Variants in CHST15 observed in about 807,000 individuals in gnomAD.
CHST15 encodes B cell RAG associated protein (GALNAC4S-6ST).
In CHST15, 30 loss-of-function variants were observed where a neutral mutation model predicts 53.6. That is an observed-to-expected ratio of 0.56 (90% CI 0.42 to 0.76). CHST15 has a LOEUF of 0.76. Among genes scored for constraint, CHST15 ranks in the 30% least tolerant of loss-of-function variants. The pLI is 0.00. For synonymous variants in CHST15, 296 were observed against 289.8 expected (o/e 1.02, Z -0.22); for missense variants, 627 against 740.5 (o/e 0.85, Z 1.78).
intron 3 of CHST15, 86 bp downstream of exon 3, chr10:124,044,494 C>A: frequency 8.7e-7 from 1 of 1,148,322 alleles, no homozygotes; most frequent in Non-Finnish European, 1.2e-6. Flanking sequence ...GCCGCCCTCG[C>A]CCCCCAACCC....
intron 1 of CHST15, among the ~76,000 whole-genome samples, chr10:124,085,511 T>A (rs778418797): frequency 2.0e-5 from 3 of 152,228 alleles, no homozygotes; most frequent in African/African-American, 7.2e-5. Context: ...AGTGTTCACA[T>A]AAAACCTCCA....
At position 124,019,690 on chromosome 10, in the gene CHST15, G is replaced by T; in HGVS notation, c.1347+1566C>A. 2.6e-6 allele frequency: 2 copies of T among 770,962 alleles called. No homozygotes were observed. The highest frequency in any genetic ancestry group is 3.2e-6 in the Non-Finnish European group (2 of 633,880). 47.8% of individuals were successfully genotyped at this position (770,962 alleles called of 1,614,324 possible). On this transcript the variant is annotated intron_variant, in intron 6 of 7. Transcript: ENST00000435907. This position sits in a 1 kb window ranked among gnomAD's most constrained non-coding sequence, Gnocchi z 4.6. The stretch of plus-strand genomic sequence containing the variant: ...TTAGTCTTTTATTATAGGTGCCTCA[G>T]CCATGAACACAGTAGTGAGATATTC...
chr10:124,042,285 G>T lies in CHST15; in HGVS notation c.1033+16C>A. 1 of 1,600,994 alleles carries T rather than the reference G, an allele frequency of 6.2e-7. No homozygotes were observed. Among genetic ancestry groups the T allele is most frequent in the South Asian group, 1.1e-5 (1 of 90,698 alleles). On this transcript the variant is annotated intron_variant, in intron 4 of 7. Transcript: ENST00000435907. ...GGGAGGGTGCTAGCCCTGCCAGAGTGACACAGACGCCTTACCGATAATGAT... is the reference window on the plus strand; with the variant it reads ...GGGAGGGTGCTAGCCCTGCCAGAGTTACACAGACGCCTTACCGATAATGAT...
rs559680031 is a variant in CHST15, at chr10:124,014,588, CG to C, written c.1348-2109del. Among the ~76,000 whole-genome samples the C allele has an allele frequency of 3.0e-4, 46 of 152,326 alleles. No individual in the cohort carries two copies. The East Asian group carries it at 8.9e-3, about 29-fold the overall frequency. Reference sequence around the variant, plus strand: ...CACCTCCAACGCAGACGAATCATGACGAGACCAACTCGCTGTTAAGTCACCC... The same window carrying C: ...CACCTCCAACGCAGACGAATCATGACAGACCAACTCGCTGTTAAGTCACCC... On this transcript the variant is annotated intron_variant, in intron 6 of 7. Coordinates refer to ENST00000435907, the MANE Select transcript of CHST15 (RefSeq NM_001270764.2).
intron 1 of CHST15, among the ~76,000 whole-genome samples, chr10:124,050,425 C>G (rs867876061): frequency 6.6e-6 from 1 of 152,226 alleles, no homozygotes; most frequent in Non-Finnish European, 1.5e-5. Flanking sequence ...ACCATTGGAA[C>G]AGGGTTTTGG....
In CHST15 at chr10:124,010,117, C is replaced by T. The variant is rs770648302; in HGVS notation, c.*32G>A. The T allele has an allele frequency of 2.5e-6, 4 of 1,609,078 alleles. No homozygotes were observed. The highest frequency in any genetic ancestry group is 2.2e-5 in the East Asian group (1 of 44,894). ...AAAATCCTGATGATGACGGCATTGGCGGGCCCAGCACGTGCAGCAACAATT... is the reference window on the plus strand; with the variant it reads ...AAAATCCTGATGATGACGGCATTGGTGGGCCCAGCACGTGCAGCAACAATT... On this transcript the variant is annotated 3_prime_UTR_variant, in exon 8 of 8. Transcript: ENST00000435907.
chr10:124,008,328 C>G lies in CHST15; in HGVS notation c.*1821G>C. 1 of 1,095,324 alleles carries G rather than the reference C, an allele frequency of 9.1e-7. No individual in the cohort carries two copies. The highest frequency in any genetic ancestry group is 1.1e-6 in the Non-Finnish European group (1 of 902,392). The allele number at this position is 1,095,324 out of a possible 1,614,324, so 67.9% of individuals were successfully genotyped here. A position where few individuals can be genotyped will look rare whatever the true frequency, so the allele number is the denominator to read the frequency against. On this transcript the variant is annotated 3_prime_UTR_variant, in exon 8 of 8. Coordinates refer to ENST00000435907, the MANE Select transcript of CHST15 (RefSeq NM_001270764.2). ...ACAGAACCCACTCAGAAGACGCACT[C>G]ACCCACACGTGCGCGTACACACACA...
intron 1 of CHST15, among the ~76,000 whole-genome samples, chr10:124,087,023 G>A (rs1426603306): frequency 6.6e-6 from 1 of 152,198 alleles, no homozygotes; most frequent in African/African-American, 2.4e-5. Context: ...TGGCTGACAA[G>A]AAACGTGAAG....
chr10:124,012,501 C>T, intron 6 of CHST15, 21 bp from the exon 7 acceptor site: 1 of 1,600,208 alleles, frequency 6.2e-7, no homozygotes, highest in South Asian at 1.1e-5. Flanking sequence ...AGAAGAAGGG[C>T]ATTATTTCAG....
chr10:124,063,203 T>G (rs1196318680), intron 1 of CHST15, among the ~76,000 whole-genome samples: 2 of 152,058 alleles, frequency 1.3e-5, no homozygotes, highest in Non-Finnish European at 2.9e-5. Context: ...ACCAACATGG[T>G]GAAACCCCAT....
In CHST15 at chr10:124,061,397, C is replaced by T. The variant is rs183973113; in HGVS notation, c.-512-14673G>A. ...TTGCTTCTGTCTCATTTTCTCTTGC[C>T]GCAGCCATGTAAGAAGTGCCTTTTG... On this transcript the variant is annotated intron_variant, in intron 1 of 7. Transcript: ENST00000435907. 2.9e-3 allele frequency among the ~76,000 whole-genome samples: 446 copies of T among 152,290 alleles called. 1 individual carries two copies. Among genetic ancestry groups the T allele is most frequent in the Middle Eastern group, 0.024 (7 of 294 alleles).
chr10:124,051,957 C>T (rs1435508907), intron 1 of CHST15, among the ~76,000 whole-genome samples: 3 of 152,094 alleles, frequency 2.0e-5, no homozygotes, highest in African/African-American at 7.2e-5. Context: ...ATGTATGAAA[C>T]TTCAGAAGAA....
chr10:124,071,689 T>C (rs966693365), intron 1 of CHST15, among the ~76,000 whole-genome samples: 1 of 152,258 alleles, frequency 6.6e-6, no homozygotes, highest in African/African-American at 2.4e-5. Flanking sequence ...ATTTGGATGC[T>C]ACATTTTCAT....
At chr10:124,040,828 G>A (rs1947704331) in intron 4 of CHST15, among the ~76,000 whole-genome samples, 1 of 152,242 alleles carries the variant, frequency 6.6e-6, no homozygotes, top group South Asian at 2.1e-4. Flanking sequence ...GTAAATATCA[G>A]CACAGTGATT....
chr10:124,048,416 G>A (rs368212259), intron 1 of CHST15, among the ~76,000 whole-genome samples: 5 of 152,200 alleles, frequency 3.3e-5, no homozygotes, highest in Admixed American at 2.0e-4. Context: ...GCGCTGGGGC[G>A]GGGATGCAGA....
intron 1 of CHST15, among the ~76,000 whole-genome samples, chr10:124,049,151 T>C (rs1948103301): frequency 6.6e-6 from 1 of 152,230 alleles, no homozygotes; most frequent in Non-Finnish European, 1.5e-5. Flanking sequence ...CAAATACCTT[T>C]TGAAGAACAG....
intron 1 of CHST15, among the ~76,000 whole-genome samples, chr10:124,072,898 T>C (rs1948963857): frequency 6.6e-6 from 1 of 152,152 alleles, no homozygotes; most frequent in Non-Finnish European, 1.5e-5. Flanking sequence ...CCAGCTGTTA[T>C]CCCCCAGGGT....
At chr10:124,026,014 T>C (rs558562308) in intron 5 of CHST15, among the ~76,000 whole-genome samples, 27 of 152,326 alleles carry the variant, frequency 1.8e-4, no homozygotes, top group Middle Eastern at 3.4e-3. Context: ...TGATTTATTA[T>C]GACTGCCCTA....
chr10:124,014,564 A>G (rs28424154), intron 6 of CHST15, among the ~76,000 whole-genome samples: 15,316 of 152,168 alleles, frequency 0.1, 1,356 homozygotes, highest in East Asian at 0.33. Context: ...ATGTGTTGTC[A>G]CCTCCAACGC....
Sources: gnomAD v4.1 joint callset for allele counts (sites outside exome capture counted in the v4.1 genomes callset) on GRCh38, gnomAD v4.1.1 for gene constraint, Gnocchi (gnomAD v3.1) non-coding constraint, MANE v1.5 for transcripts, NCBI Gene and HGNC (gene_info 2026-07-23, HGNC 2026-07-21) for gene names.